ATAD2: variants seen among roughly 807,000 people sequenced by gnomAD.
ATAD2 encodes the protein ATPase family AAA domain containing 2, also known as ATPase family AAA domain-containing protein 2.
Under a neutral mutation model 168.9 loss-of-function variants are expected in ATAD2, and 62 were observed. That is an observed-to-expected ratio of 0.37 (90% CI 0.30 to 0.45). The LOEUF (loss-of-function observed/expected upper bound fraction) is 0.45, where lower values mean the gene tolerates loss of function less well. ATAD2 is among the 20% of genes least tolerant of loss of function. ATAD2 has a pLI of 1.00. For missense variants in ATAD2, 1,419 were observed against 1,667.8 expected (o/e 0.85, Z 2.60); for synonymous variants, 613 against 571.6 (o/e 1.07, Z -1.03).
chr8:123,396,447 T>TGGCGCCACAAGCTC (rs1194140635), upstream of ATAD2: 1 of 1,340,284 alleles, frequency 7.5e-7, no homozygotes, highest in East Asian at 2.8e-5. Flanking sequence ...CTCCGAATTC[T>TGGCGCCACAAGCTC]GGCGCCACAA....
intron 23 of ATAD2, 54 bp from the exon 24 acceptor site, chr8:123,334,075 T>G (rs534015097): frequency 1.3e-6 from 2 of 1,582,976 alleles, no homozygotes; most frequent in Non-Finnish European, 1.7e-6. Context: ...CAAAATTACA[T>G]GAAGGATTAA....
chr8:123,361,301 A>G (rs1351543377), intron 9 of ATAD2, among the ~76,000 whole-genome samples: 1 of 149,924 alleles, frequency 6.7e-6, no homozygotes, highest in Non-Finnish European at 1.5e-5. Context: ...TGGGCAACAG[A>G]ACCAGGCCCT....
chr8:123,403,309 AG>A (rs1813030667), intron 1 of ATAD2, among the ~76,000 whole-genome samples: 1 of 151,856 alleles, frequency 6.6e-6, no homozygotes, highest in Non-Finnish European at 1.5e-5. Flanking sequence ...CATGTTGCCC[AG>A]GCTGGTCTCG....
intron 9 of ATAD2, among the ~76,000 whole-genome samples, chr8:123,361,174 A>T (rs1301177611): frequency 1.3e-5 from 2 of 151,988 alleles, no homozygotes; most frequent in Non-Finnish European, 2.9e-5. Context: ...AAAATGAGCC[A>T]GGTGTGGTGA....
rs1180402683 is a variant in ATAD2 at position 123,322,970 on chromosome 8, G to A, written c.4099C>T (p.Arg1367Cys). 5.0e-6 allele frequency: 8 copies of A among 1,613,664 alleles called. No individual in the cohort carries two copies. The highest frequency in any genetic ancestry group is 2.7e-5 in the African/African-American group (2 of 74,906). Residue 1367 changes from arginine (R) to cysteine (C), a missense_variant, in exon 27 of 28, where the codon CGC becomes TGC. Physicochemically the swap from Arg to Cys is radical, Grantham distance 180 (BLOSUM62 -3). This residue lies in a region of ATAD2 where 303 missense variants were observed against 304.3 expected (regional missense o/e 1.00). Transcript: ENST00000287394. ...AVISQCIYRH[R>C]KDHDKTSLIQ... Reference sequence around the variant, plus strand: ...AGTGATGTTTTATCATGGTCCTTGCGATGCCGATAAATACATTGGCTGATT... The same window carrying A: ...AGTGATGTTTTATCATGGTCCTTGCAATGCCGATAAATACATTGGCTGATT...
intron 1 of ATAD2, among the ~76,000 whole-genome samples, chr8:123,411,622 G>T (rs1395427808): frequency 6.6e-6 from 1 of 152,144 alleles, no homozygotes; most frequent in Non-Finnish European, 1.5e-5. Context: ...CCAATCTATT[G>T]CCTGAGAGCA....
At chr8:123,408,149 T>C (rs900845068) in intron 1 of ATAD2, among the ~76,000 whole-genome samples, 4 of 152,236 alleles carry the variant, frequency 2.6e-5, no homozygotes, top group African/African-American at 9.6e-5. Flanking sequence ...AAAAAATTAA[T>C]TGAATGGAGG....
intron 26 of ATAD2, among the ~76,000 whole-genome samples, chr8:123,324,874 G>A (rs1290928535): frequency 6.6e-6 from 1 of 151,992 alleles, no homozygotes; most frequent in African/African-American, 2.4e-5. Flanking sequence ...GAATCACTTA[G>A]CTATTTTCTC....
intron 13 of ATAD2, among the ~76,000 whole-genome samples, chr8:123,349,960 G>A (rs1438855643): frequency 2.6e-5 from 4 of 151,406 alleles, no homozygotes; most frequent in Non-Finnish European, 5.9e-5. Flanking sequence ...TGTACGTAGT[G>A]AGCCAAGATT....
chr8:123,323,787 G>C (rs560781246), intron 26 of ATAD2, among the ~76,000 whole-genome samples: 98 of 152,232 alleles, frequency 6.4e-4, no homozygotes, highest in Non-Finnish European at 1.4e-3. Context: ...TTATTCTATA[G>C]CAAGTATATC....
chr8:123,371,435 G>T, intron 4 of ATAD2, 97 bp from the exon 5 acceptor site: 2 of 983,182 alleles, frequency 2.0e-6, no homozygotes, highest in Non-Finnish European at 2.9e-6. Context: ...TTGGCACTAA[G>T]GTTTTAAATA....
chr8:123,331,725 C>A (rs1415954851), intron 24 of ATAD2, among the ~76,000 whole-genome samples: 1 of 152,182 alleles, frequency 6.6e-6, no homozygotes, highest in African/African-American at 2.4e-5. Flanking sequence ...CCTATGTGTC[C>A]TATGGTGTTA....
chr8:123,321,990 T>C (rs1194184455), intron 27 of ATAD2, among the ~76,000 whole-genome samples: 1 of 149,974 alleles, frequency 6.7e-6, no homozygotes, highest in East Asian at 1.9e-4. Context: ...CATAAGTCTT[T>C]TTTTTTTTTT....
At chr8:123,368,423 C>T (rs1343465738) in intron 8 of ATAD2, among the ~76,000 whole-genome samples, 1 of 152,086 alleles carries the variant, frequency 6.6e-6, no homozygotes, top group Non-Finnish European at 1.5e-5. Context: ...GCTCCGCCCC[C>T]ACCCTCCCCA....
chr8:123,331,662 G>T (rs796584620), intron 24 of ATAD2, among the ~76,000 whole-genome samples: 4 of 152,270 alleles, frequency 2.6e-5, no homozygotes, highest in African/African-American at 9.6e-5. Context: ...ATCTTAGAAG[G>T]TTATGACTTT....
At chr8:123,336,633 G>A (rs1827920631) in intron 21 of ATAD2, 101 bp from the exon 22 acceptor site, 7 of 856,968 alleles carry the variant, frequency 8.2e-6, no homozygotes, top group East Asian at 2.9e-5. Context: ...GAATAAATAC[G>A]TAAGAGATTA....
At chr8:123,363,490 T>C (rs183213545) in intron 8 of ATAD2, among the ~76,000 whole-genome samples, 1 of 152,292 alleles carries the variant, frequency 6.6e-6, no homozygotes, top group Admixed American at 6.5e-5. Context: ...TAAGGGGTTG[T>C]GGAAACACAG....
In ATAD2 at chr8:123,361,541, A is replaced by G. The variant is rs898879145; in HGVS notation, c.1155T>C (p.Asn385=). 7 of 1,610,398 alleles carry G rather than the reference A, an allele frequency of 4.3e-6. No homozygotes were observed. Among genetic ancestry groups the G allele is most frequent in the East Asian group, 2.2e-5 (1 of 44,802 alleles). Reference sequence around the variant, plus strand: ...AAAGGCATCAATATGGCACTTACCTATTGATAGCCCTATTACGACTCCTTT... The same window carrying G: ...AAAGGCATCAATATGGCACTTACCTGTTGATAGCCCTATTACGACTCCTTT... ...RRKRSRNRAI[N]RCLPLNFRKD... is the part of the protein sequence containing the mutation. The change falls in exon 9 of 28, where the codon AAT becomes AAC. Residue 385 remains asparagine (N), a splice_region_variant and synonymous_variant. Coordinates refer to ENST00000287394, the MANE Select transcript of ATAD2 (RefSeq NM_014109.4).
intron 26 of ATAD2, among the ~76,000 whole-genome samples, chr8:123,325,640 C>T (rs1827592006): frequency 6.6e-6 from 1 of 151,900 alleles, no homozygotes; most frequent in Admixed American, 6.6e-5. Context: ...AGGCTGGTCT[C>T]GAACTCCTGA....
Sources: allele counts gnomAD v4.1 joint callset (sites outside exome capture counted in the v4.1 genomes callset), GRCh38; gene constraint gnomAD v4.1.1; regional missense constraint gnomAD v4.1.1; transcripts MANE v1.5; gene names NCBI Gene and HGNC (gene_info 2026-07-23, HGNC 2026-07-21).